Variants in PDGFD observed in about 807,000 individuals in gnomAD.
PDGFD encodes the protein platelet-derived growth factor D.
A neutral mutation model predicts 44.7 loss-of-function variants in PDGFD; 30 were observed. That is an observed-to-expected ratio of 0.67 (90% confidence interval 0.50 to 0.91). The LOEUF is 0.91. Among genes scored for constraint, PDGFD ranks in the 40% least tolerant of loss-of-function variants. The pLI is 0.00. For synonymous variants in PDGFD, 173 were observed against 168.4 expected (o/e 1.03, Z -0.21); for missense variants, 445 against 457.8 (o/e 0.97, Z 0.25).
At chr11:103,964,010 C>T (rs79680418) in intron 3 of PDGFD, among the ~76,000 whole-genome samples, 2,608 of 152,122 alleles carry the variant, frequency 0.017, 76 homozygotes, top group African/African-American at 0.06. Flanking sequence ...ACTGTGTCGC[C>T]CATCTCTATG....
chr11:104,011,393 TTAAAA>T (rs1375340588), intron 1 of PDGFD, among the ~76,000 whole-genome samples: 1 of 152,142 alleles, frequency 6.6e-6, no homozygotes, highest in Non-Finnish European at 1.5e-5. Context: ...ATAATTATAC[TTAAAA>T]TAAATTTTTA....
chr11:104,062,663 A>G (rs2134415095), intron 1 of PDGFD, among the ~76,000 whole-genome samples: 1 of 152,360 alleles, frequency 6.6e-6, no homozygotes, highest in African/African-American at 2.4e-5. Context: ...AGAATACATT[A>G]TTATGCTACT....
At chr11:104,006,308 A>G (rs1427778032) in intron 1 of PDGFD, among the ~76,000 whole-genome samples, 1 of 152,204 alleles carries the variant, frequency 6.6e-6, no homozygotes, top group African/African-American at 2.4e-5. Flanking sequence ...GATGCACCCT[A>G]AGGTTTGAGA....
At position 103,907,204 on chromosome 11, in the gene PDGFD, A is replaced by T. The variant is rs949063985; in HGVS notation, c.*2490T>A. 1 of 152,038 alleles carries T rather than the reference A, an allele frequency of 6.6e-6. No homozygotes were observed. The highest frequency in any genetic ancestry group is 2.4e-5 in the African/African-American group (1 of 41,408). 9.4% of individuals were successfully genotyped at this position (152,038 alleles called of 1,614,324 possible). ...AATGGAGTAGTTTTGTTCAAAAGCA[A>T]TATTTATTTTTCATGAAGATAAGAG... On this transcript the variant is annotated 3_prime_UTR_variant, in exon 7 of 7. Transcript: ENST00000393158.
At chr11:104,115,325 A>G (rs1861619175) in intron 1 of PDGFD, among the ~76,000 whole-genome samples, 1 of 149,824 alleles carries the variant, frequency 6.7e-6, no homozygotes, top group African/African-American at 2.4e-5. Flanking sequence ...TACTATATAT[A>G]GTCATATATG....
At position 103,987,826 on chromosome 11, in the gene PDGFD, G is replaced by A. The variant is rs546291536; in HGVS notation, c.510+8239C>T. Among the ~76,000 whole-genome samples the A allele has an allele frequency of 1.2e-4, 18 of 150,258 alleles. No individual in the cohort carries two copies. In the South Asian group the frequency reaches 1.3e-3, roughly 11 times the overall value. The stretch of plus-strand genomic sequence containing the variant: ...TTTATGCAGGCAACGCCCTCTTCCC[G>A]GGATGCTGTTGCCTCCCTGACACAG... On this transcript the variant is annotated intron_variant, in intron 3 of 6. Transcript: ENST00000393158.
At chr11:104,133,071 A>G (rs897732906) in intron 1 of PDGFD, among the ~76,000 whole-genome samples, 2 of 152,142 alleles carry the variant, frequency 1.3e-5, no homozygotes, top group African/African-American at 4.8e-5. Flanking sequence ...AGAGTTGACC[A>G]ATGTCACTTC....
chr11:104,110,543 TCATACTA>T (rs756447885), intron 1 of PDGFD, among the ~76,000 whole-genome samples: 24 of 149,288 alleles, frequency 1.6e-4, no homozygotes, highest in Admixed American at 8.0e-4. Context: ...CTTACACAGG[TCATACTA>T]CATACTACAT....
intron 3 of PDGFD, among the ~76,000 whole-genome samples, chr11:103,992,818 C>A (rs1859479004): frequency 6.6e-6 from 1 of 152,132 alleles, no homozygotes; most frequent in Admixed American, 6.6e-5. Flanking sequence ...TGAGCATGAA[C>A]CATGTAGATG....
rs1857968973 is a variant in PDGFD, at chr11:103,908,281, C to T, written c.*1413G>A. The T allele has an allele frequency of 6.6e-6, 1 of 152,162 alleles. No individual in the cohort carries two copies. Among genetic ancestry groups the T allele is most frequent in the African/African-American group, 2.4e-5 (1 of 41,432 alleles). 9.4% of individuals were successfully genotyped at this position (152,162 alleles called of 1,614,324 possible). A position where few individuals can be genotyped will look rare whatever the true frequency, so the allele number is the denominator to read the frequency against. ...CATTTCCTACTCCTGGAGTTAGTCT[C>T]CTTTAAAACAGACACAAAGGAGGCA... On this transcript the variant is annotated 3_prime_UTR_variant, in exon 7 of 7. Transcript: ENST00000393158.
chr11:104,088,716 G>T (rs1861169423), intron 1 of PDGFD, among the ~76,000 whole-genome samples: 1 of 152,164 alleles, frequency 6.6e-6, no homozygotes, highest in Non-Finnish European at 1.5e-5. Context: ...AGAAGGCAAA[G>T]ATCTTCTGAA....
At chr11:104,156,201 G>C (rs1862305390) in intron 1 of PDGFD, among the ~76,000 whole-genome samples, 1 of 151,872 alleles carries the variant, frequency 6.6e-6, no homozygotes, top group African/African-American at 2.4e-5. Context: ...TTAATAATAA[G>C]ATATGACCAG....
chr11:104,118,924 TA>T (rs201929907), intron 1 of PDGFD, among the ~76,000 whole-genome samples: 5,355 of 66,746 alleles, frequency 0.08, 302 homozygotes, highest in Non-Finnish European at 0.085. Context: ...ATACATAATA[TA>T]TTATTATAAT....
Position 103,916,910 on chromosome 11 carries a change from G to C in PDGFD, c.988-7091C>G, listed in dbSNP as rs1033275479. 3.3e-5 allele frequency among the ~76,000 whole-genome samples: 5 copies of C among 152,232 alleles called. No homozygotes were observed. The East Asian group carries it at 9.7e-4, about 29-fold the overall frequency. ...AATGAGAAGACATGGACACAGGGAG[G>C]GGAACATCACACACCAGGTCCTGTT... On this transcript the variant is annotated intron_variant, in intron 6 of 6. Coordinates refer to ENST00000393158, the MANE Select transcript of PDGFD (RefSeq NM_025208.5).
chr11:104,014,596 C>T (rs1380960879), intron 1 of PDGFD, among the ~76,000 whole-genome samples: 1 of 152,092 alleles, frequency 6.6e-6, no homozygotes, highest in Non-Finnish European at 1.5e-5. Flanking sequence ...TAGAAGTAGC[C>T]TTTAATAAAG....
intron 3 of PDGFD, among the ~76,000 whole-genome samples, chr11:103,992,873 T>C (rs1859479776): frequency 1.3e-5 from 2 of 152,246 alleles, no homozygotes; most frequent in South Asian, 2.1e-4. Context: ...TACCTACTAC[T>C]TGTAGCTTTA....
At chr11:104,047,255 C>T (rs956424461) in intron 1 of PDGFD, among the ~76,000 whole-genome samples, 1 of 147,410 alleles carries the variant, frequency 6.8e-6, no homozygotes, top group Non-Finnish European at 1.5e-5. Context: ...GGTATATACC[C>T]AGTAATGGGA....
In PDGFD at chr11:104,080,761, G is replaced by C. The variant is rs146199121; in HGVS notation, c.125-80506C>G. Among the ~76,000 whole-genome samples the C allele has an allele frequency of 3.5e-3, 532 of 152,292 alleles. 1 individual carries two copies. Among genetic ancestry groups the C allele is most frequent in the African/African-American group, 0.012 (492 of 41,572 alleles). On this transcript the variant is annotated intron_variant, in intron 1 of 6. Coordinates refer to ENST00000393158, the MANE Select transcript of PDGFD (RefSeq NM_025208.5). ...AATGAATAGTGAATAAGTTGAAAGTGTGTGACTTCTGAGAATATGCCATAA... is the reference window on the plus strand; with the variant it reads ...AATGAATAGTGAATAAGTTGAAAGTCTGTGACTTCTGAGAATATGCCATAA...
At chr11:103,944,933 G>A (rs1297914607) in intron 4 of PDGFD, among the ~76,000 whole-genome samples, 1 of 152,086 alleles carries the variant, frequency 6.6e-6, no homozygotes, top group Non-Finnish European at 1.5e-5. Flanking sequence ...CGATGAATGT[G>A]TCAGGCCAGC....
Sources: allele counts gnomAD v4.1 joint callset (sites outside exome capture counted in the v4.1 genomes callset), GRCh38; gene constraint gnomAD v4.1.1; transcripts MANE v1.5; gene names NCBI Gene and HGNC (gene_info 2026-07-23, HGNC 2026-07-21).